Variants in CERK observed in about 807,000 individuals in gnomAD.
CERK encodes the protein ceramide kinase.
A neutral mutation model predicts 63.4 loss-of-function variants in CERK; 39 were observed. The observed-to-expected ratio is 0.61, with a 90% CI of 0.48 to 0.80. The LOEUF is 0.80. CERK is among the 30% of genes least tolerant of loss of function. The pLI is 0.00. For missense variants in CERK, 670 were observed against 714.1 expected (o/e 0.94, Z 0.70); for synonymous variants, 302 against 280.0 (o/e 1.08, Z -0.78).
chr22:46,701,705 T>C lies in CERK; in HGVS notation c.721A>G (p.Thr241Ala). ...LRIGIIPAGS[T>A]DCVCYSTVGT... Reference sequence around the variant, plus strand: ...ACGGTGGAGTAACACACGCAGTCCGTTGACCCTGTAAAGGGAAAAAGAAGG... The same window carrying C: ...ACGGTGGAGTAACACACGCAGTCCGCTGACCCTGTAAAGGGAAAAAGAAGG... The change falls in exon 7 of 13, where the codon ACG (threonine) becomes GCG (alanine). Residue 241 changes from threonine (T) to alanine (A), a missense_variant. Thr to Ala is a moderately conservative substitution (Grantham distance 58). Coordinates refer to ENST00000216264, the MANE Select transcript of CERK (RefSeq NM_022766.6). 1 of 1,555,494 alleles carries C rather than the reference T, an allele frequency of 6.4e-7. No homozygotes were observed.
Position 46,712,731 on chromosome 22 carries a change from G to A in CERK, c.380-438C>T, listed in dbSNP as rs370890139. On this transcript the variant is annotated intron_variant, in intron 3 of 12. Coordinates refer to ENST00000216264, the MANE Select transcript of CERK (RefSeq NM_022766.6). ...GTATGGAAAGAAGAAGCCACACAGG[G>A]AGATGCTTGCAGAGATGGAAAGACA... Among the ~76,000 whole-genome samples the A allele has an allele frequency of 2.6e-4, 40 of 152,314 alleles. 1 individual carries two copies. Among genetic ancestry groups the A allele is most frequent in the African/African-American group, 9.6e-4 (40 of 41,568 alleles).
At chr22:46,720,305 C>T in intron 2 of CERK, 97 bp from the exon 3 acceptor site, 1 of 1,456,280 alleles carries the variant, frequency 6.9e-7, no homozygotes. Flanking sequence ...TTATAGGTTC[C>T]TAACCAAAAT....
At chr22:46,696,311 T>G (rs2082756020) in intron 8 of CERK, among the ~76,000 whole-genome samples, 1 of 152,134 alleles carries the variant, frequency 6.6e-6, no homozygotes, top group African/African-American at 2.4e-5. Context: ...CCCTTCCAGG[T>G]GGCTGCAGCT....
At position 46,708,555 on chromosome 22, in the gene CERK, G is replaced by A. The variant is rs73180683; in HGVS notation, c.570-567C>T. Among the ~76,000 whole-genome samples, 410 of 152,350 alleles carry A rather than the reference G, an allele frequency of 2.7e-3. 1 individual carries two copies. The highest frequency in any genetic ancestry group is 4.9e-3 in the Non-Finnish European group (334 of 68,044). ...GACCCAAGGCAAGAGCAGAGGGGAC[G>A]GAATAAATGCGGACAAAATGGGGCA... On this transcript the variant is annotated intron_variant, in intron 5 of 12. Coordinates refer to ENST00000216264, the MANE Select transcript of CERK (RefSeq NM_022766.6).
At chr22:46,713,508 C>CAAAAAAAAAAA (rs34168827) in intron 3 of CERK, among the ~76,000 whole-genome samples, 1 of 74,302 alleles carries the variant, frequency 1.3e-5, no homozygotes. Context: ...GACTTCATCT[C>CAAAAAAAAAAA]AAAAAAAAAA....
chr22:46,734,871 A>G (rs1006947418), intron 1 of CERK, among the ~76,000 whole-genome samples: 6 of 152,198 alleles, frequency 3.9e-5, no homozygotes, highest in Non-Finnish European at 7.3e-5. Flanking sequence ...TGTAAGCAGG[A>G]AAAACATTTT....
intron 6 of CERK, among the ~76,000 whole-genome samples, chr22:46,706,204 G>A (rs1035059897): frequency 2.0e-5 from 3 of 152,220 alleles, no homozygotes; most frequent in Non-Finnish European, 2.9e-5. Context: ...GTGCCCCACC[G>A]AGGACACATG....
intron 10 of CERK, among the ~76,000 whole-genome samples, chr22:46,693,146 T>G (rs2082739766): frequency 2.0e-5 from 3 of 152,124 alleles, no homozygotes; most frequent in Admixed American, 2.0e-4. Flanking sequence ...TGCCCCCACA[T>G]TCTAGAGCAC....
intron 11 of CERK, among the ~76,000 whole-genome samples, chr22:46,690,676 G>C (rs1262430493): frequency 6.6e-6 from 1 of 152,146 alleles, no homozygotes. Context: ...GACTAAATTT[G>C]GAGACTGTGA....
In CERK at chr22:46,687,106, C is replaced by T. The variant is rs1259508472; in HGVS notation, c.*28G>A. ...TTATCTTAAATAGTTTTCACACTTTCCCAGTTTGTGAGCAGGACGCCGGCT... is the reference window on the plus strand; with the variant it reads ...TTATCTTAAATAGTTTTCACACTTTTCCAGTTTGTGAGCAGGACGCCGGCT... On this transcript the variant is annotated 3_prime_UTR_variant, in exon 13 of 13. Coordinates refer to ENST00000216264, the MANE Select transcript of CERK (RefSeq NM_022766.6). 6.3e-7 allele frequency: 1 copy of T among 1,594,232 alleles called. No homozygotes were observed. The highest frequency in any genetic ancestry group is 2.2e-5 in the East Asian group (1 of 44,768).
At chr22:46,718,563 A>C (rs965085235) in intron 3 of CERK, among the ~76,000 whole-genome samples, 4 of 152,194 alleles carry the variant, frequency 2.6e-5, no homozygotes, top group Admixed American at 6.5e-5. Flanking sequence ...TAAACAGGGA[A>C]GTATGGAAGC....
chr22:46,696,873 C>T (rs1601711517), intron 8 of CERK, among the ~76,000 whole-genome samples: 1 of 152,308 alleles, frequency 6.6e-6, no homozygotes, highest in East Asian at 1.9e-4. Flanking sequence ...GGGCTGCCCA[C>T]CACCCCACCC....
chr22:46,724,770 T>A lies in CERK; in HGVS notation c.143-3755A>T, dbSNP rs138328881. On this transcript the variant is annotated intron_variant, in intron 1 of 12. Transcript: ENST00000216264. Reference sequence around the variant, plus strand: ...CGGGGTGGCTCACACCTGTAATCCCTGCACTTTGGGAGGCTAAGGTGGGCG... The same window carrying A: ...CGGGGTGGCTCACACCTGTAATCCCAGCACTTTGGGAGGCTAAGGTGGGCG... Among the ~76,000 whole-genome samples, 993 of 152,206 alleles carry A rather than the reference T, an allele frequency of 6.5e-3. 13 individuals carry two copies. Among genetic ancestry groups the A allele is most frequent in the Middle Eastern group, 0.01 (3 of 294 alleles).
chr22:46,733,283 TTTTTA>T lies in CERK; in HGVS notation c.142+4719_142+4723del, dbSNP rs529861181. Among the ~76,000 whole-genome samples the T allele has an allele frequency of 1.8e-3, 269 of 151,514 alleles. 2 individuals are homozygous for T. Among genetic ancestry groups the T allele is most frequent in the African/African-American group, 6.2e-3 (256 of 41,398 alleles). On this transcript the variant is annotated intron_variant, in intron 1 of 12. Transcript: ENST00000216264. ...CAAATATCACCCCCATCATTTTTTA[TTTTTA>T]TTTTATTATTATTATTATTATTTGA...
At chr22:46,704,526 G>A (rs2082803693) in intron 6 of CERK, among the ~76,000 whole-genome samples, 3 of 152,128 alleles carry the variant, frequency 2.0e-5, no homozygotes, top group Admixed American at 2.0e-4. Context: ...ACAATGTTAT[G>A]GTCAATTAGA....
Position 46,738,121 on chromosome 22 carries a change from G to A in CERK, c.28C>T (p.Leu10=), listed in dbSNP as rs2082985218. 18 of 1,243,804 alleles carry A rather than the reference G, an allele frequency of 1.4e-5. No individual in the cohort carries two copies. Among genetic ancestry groups the A allele is most frequent in the Non-Finnish European group, 1.8e-5 (18 of 985,994 alleles). The allele number at this position is 1,243,804 out of a possible 1,614,324, so 77.0% of individuals were successfully genotyped here. Reference sequence around the variant, plus strand: ...TGCTTCACCCACAGCACGGATTGCAGCGGCTCCGCCGCCCCCGTCGCCCCC... The same window carrying A: ...TGCTTCACCCACAGCACGGATTGCAACGGCTCCGCCGCCCCCGTCGCCCCC... The part of the protein sequence containing the change: MGATGAAEP[L]QSVLWVKQQR... Residue 10 remains leucine, a synonymous_variant, in exon 1 of 13, where the codon CTG becomes TTG. Coordinates refer to ENST00000216264, the MANE Select transcript of CERK (RefSeq NM_022766.6).
chr22:46,684,680 C>G lies in CERK; in HGVS notation c.*2454G>C, dbSNP rs1351684285. The G allele has an allele frequency of 6.6e-6, 1 of 151,840 alleles. No homozygotes were observed. The highest frequency in any genetic ancestry group is 1.9e-4 in the East Asian group (1 of 5,180). 9.4% of individuals were successfully genotyped at this position (151,840 alleles called of 1,614,324 possible). ...CTAAAACTAGCCTTTCTAAGTTATCCTAAGTTTTTACTATCTAACCAGCAC... is the reference window on the plus strand; with the variant it reads ...CTAAAACTAGCCTTTCTAAGTTATCGTAAGTTTTTACTATCTAACCAGCAC... On this transcript the variant is annotated 3_prime_UTR_variant, in exon 13 of 13. Transcript: ENST00000216264.
At chr22:46,737,955 G>T in intron 1 of CERK, 52 bp downstream of exon 1, 1 of 1,104,010 alleles carries the variant, frequency 9.1e-7, no homozygotes, top group Non-Finnish European at 1.1e-6. Flanking sequence ...CCCCCAAGCC[G>T]CCCCCGCTCC....
At chr22:46,709,380 G>A (rs1049732324) in intron 5 of CERK, among the ~76,000 whole-genome samples, 3 of 152,204 alleles carry the variant, frequency 2.0e-5, no homozygotes, top group Non-Finnish European at 2.9e-5. Flanking sequence ...GCTGCTGTCG[G>A]GTGGAGGTGG....
Sources: allele counts gnomAD v4.1 joint callset (sites outside exome capture counted in the v4.1 genomes callset), GRCh38; gene constraint gnomAD v4.1.1; transcripts MANE v1.5; gene names NCBI Gene and HGNC (gene_info 2026-07-23, HGNC 2026-07-21).